The following LRRC40 variants were observed in gnomAD, a reference collection of about 807,000 sequenced individuals.
LRRC40 encodes leucine rich repeat containing 40, also known as leucine-rich repeat-containing protein 40.
LRRC40 carries 76 observed loss-of-function variants against 72.8 expected under a neutral mutation model. The ratio of observed to expected loss-of-function variants is 1.04; its 90% CI spans 0.87 to 1.26. The LOEUF (loss-of-function observed/expected upper bound fraction) is 1.26. Ranked by LOEUF, LRRC40 falls within the 50% of genes most tolerant of loss-of-function variation. The probability of loss-of-function intolerance (pLI) is 0.00; values close to 1 mark genes in which losing one functional copy is unlikely to be tolerated. For synonymous variants in LRRC40, 243 were observed against 254.2 expected (o/e 0.96, Z 0.42); for missense variants, 684 against 698.9 (o/e 0.98, Z 0.24).
chr1:70,154,579 T>A (rs1315296130), intron 11 of LRRC40, among the ~76,000 whole-genome samples: 1 of 152,074 alleles, frequency 6.6e-6, no homozygotes, highest in Non-Finnish European at 1.5e-5. Context: ...TGGACTATCT[T>A]AAATTTGTCG....
At chr1:70,190,108 T>C (rs1668460381) in intron 1 of LRRC40, among the ~76,000 whole-genome samples, 1 of 152,166 alleles carries the variant, frequency 6.6e-6, no homozygotes, top group African/African-American at 2.4e-5. Context: ...TGTAGTGTTG[T>C]AGCAAAACTA....
At chr1:70,181,693 G>GA (rs1039113201) in intron 4 of LRRC40, among the ~76,000 whole-genome samples, 9 of 150,908 alleles carry the variant, frequency 6.0e-5, no homozygotes, top group African/African-American at 7.3e-5. Context: ...AATTTTTGAG[G>GA]AAAAAAAAAT....
Position 70,159,354 on chromosome 1 carries a change from A to G in LRRC40, c.1196T>C (p.Ile399Thr). Residue 399 changes from isoleucine (I) to threonine (T), a missense_variant, in exon 10 of 15, where the codon ATT (isoleucine) becomes ACT (threonine). Physicochemically the swap from Ile to Thr is moderately conservative, Grantham distance 89. Coordinates refer to ENST00000370952, the MANE Select transcript of LRRC40 (RefSeq NM_017768.5). ...CCTATAGTCTAATATTTTTAATGTA[A>G]TGATGGCATGTATATTGACTCTGGA... is the stretch of plus-strand genomic sequence containing the variant. ...SESRVNIHAIITLKILDYSDK... is the reference protein window; with the variant it reads ...SESRVNIHAITTLKILDYSDK... 6.6e-7 allele frequency: 1 copy of G among 1,517,928 alleles called. No homozygotes were observed. The highest frequency in any genetic ancestry group is 9.1e-7 in the Non-Finnish European group (1 of 1,101,942). 94.0% of individuals were successfully genotyped at this position (1,517,928 alleles called of 1,614,324 possible).
intron 13 of LRRC40, among the ~76,000 whole-genome samples, chr1:70,150,867 G>A (rs1667465160): frequency 6.6e-6 from 1 of 152,126 alleles, no homozygotes; most frequent in African/African-American, 2.4e-5. Context: ...TTCCATTAGA[G>A]CAATTGTAAT....
chr1:70,199,511 A>G (rs1004269138), intron 1 of LRRC40, among the ~76,000 whole-genome samples: 1 of 152,172 alleles, frequency 6.6e-6, no homozygotes, highest in Non-Finnish European at 1.5e-5. Flanking sequence ...ACCCGTGAGA[A>G]AGCAAGACCA....
chr1:70,171,309 T>TA (rs534894256), intron 9 of LRRC40, among the ~76,000 whole-genome samples: 117 of 147,844 alleles, frequency 7.9e-4, no homozygotes, highest in Non-Finnish European at 1.4e-3. Context: ...TTCTTAGATT[T>TA]AAAAAAAAAT....
intron 5 of LRRC40, chr1:70,180,106 T>G (rs1668209076): frequency 6.6e-6 from 1 of 152,074 alleles, no homozygotes; most frequent in Non-Finnish European, 1.5e-5. Flanking sequence ...AAATAACAGT[T>G]TTTTTATTAA....
At position 70,203,320 on chromosome 1, in the gene LRRC40, C is replaced by T. The variant is rs1571504480; in HGVS notation, c.151+2070G>A. ...TTCTGGGCTATGGGAAGTCATTAAA[C>T]GTTTTGAGTGATGTAAGATCTGTTT... On this transcript the variant is annotated intron_variant, in intron 1 of 14. Transcript: ENST00000370952. Among the ~76,000 whole-genome samples the T allele has an allele frequency of 2.6e-5, 4 of 152,250 alleles. No homozygotes were observed. The East Asian group carries it at 7.7e-4, about 29-fold the overall frequency.
At chr1:70,204,005 G>A (rs1424415519) in intron 1 of LRRC40, among the ~76,000 whole-genome samples, 1 of 152,120 alleles carries the variant, frequency 6.6e-6, no homozygotes, top group Non-Finnish European at 1.5e-5. Context: ...ATCATTTTAT[G>A]TACCAGGTAA....
chr1:70,158,076 G>C (rs1343178650), intron 10 of LRRC40, among the ~76,000 whole-genome samples: 1 of 137,398 alleles, frequency 7.3e-6, no homozygotes, highest in African/African-American at 2.8e-5. Flanking sequence ...CTCCAACCTG[G>C]GCAACAGAGC....
At chr1:70,173,771 TAACTATAAAACATCATATGGCAAAC>T in intron 7 of LRRC40, 62 bp from the exon 8 acceptor site, 1 of 805,484 alleles carries the variant, frequency 1.2e-6, no homozygotes, top group Admixed American at 3.1e-5. Context: ...CAACCATAGT[TAACTATAAAACATCATATGGCAAAC>T]AACATATCAC....
At chr1:70,176,072 G>T in intron 6 of LRRC40, 90 bp from the exon 7 acceptor site, 1 of 707,364 alleles carries the variant, frequency 1.4e-6, no homozygotes, top group Non-Finnish European at 2.1e-6. Context: ...TTAATTTCAA[G>T]TGATTGAAAA....
chr1:70,188,579 A>G (rs1210772276), intron 2 of LRRC40, among the ~76,000 whole-genome samples: 1 of 150,794 alleles, frequency 6.6e-6, no homozygotes, highest in Non-Finnish European at 1.5e-5. Context: ...CTACACACAC[A>G]AAAAAAAATA....
At chr1:70,157,631 A>G (rs1412086315) in intron 10 of LRRC40, among the ~76,000 whole-genome samples, 1 of 152,156 alleles carries the variant, frequency 6.6e-6, no homozygotes, top group Admixed American at 6.5e-5. Context: ...GTATCTGTAT[A>G]TGAGGGAATG....
At chr1:70,181,332 T>A in intron 4 of LRRC40, 123 bp from the exon 5 acceptor site, 2 of 504,666 alleles carry the variant, frequency 4.0e-6, no homozygotes, top group Non-Finnish European at 6.7e-6. Context: ...TAAGATGTGA[T>A]AAGTTGTGTA....
At chr1:70,194,904 T>C (rs754905695) in intron 1 of LRRC40, among the ~76,000 whole-genome samples, 2 of 151,928 alleles carry the variant, frequency 1.3e-5, no homozygotes, top group Non-Finnish European at 2.9e-5. Context: ...TCAGAAAAAA[T>C]TCCATACAAT....
At chr1:70,193,916 G>A (rs1224612401) in intron 1 of LRRC40, among the ~76,000 whole-genome samples, 2 of 151,966 alleles carry the variant, frequency 1.3e-5, no homozygotes, top group Non-Finnish European at 2.9e-5. Context: ...CAGAAAACTA[G>A]GAATCAAAGG....
intron 1 of LRRC40, among the ~76,000 whole-genome samples, chr1:70,191,410 A>G (rs1361291836): frequency 2.0e-5 from 3 of 152,172 alleles, no homozygotes; most frequent in Non-Finnish European, 4.4e-5. Context: ...TTTATACACA[A>G]CATAATAAAA....
chr1:70,150,005 C>A (rs140425740), intron 13 of LRRC40, among the ~76,000 whole-genome samples: 1 of 152,200 alleles, frequency 6.6e-6, no homozygotes, highest in African/African-American at 2.4e-5. Flanking sequence ...ACTGCAACCT[C>A]TGCCTCCTGG....
Sources: gnomAD v4.1 joint callset for allele counts (sites outside exome capture counted in the v4.1 genomes callset) on GRCh38, gnomAD v4.1.1 for gene constraint, MANE v1.5 for transcripts, NCBI Gene and HGNC (gene_info 2026-07-23, HGNC 2026-07-21) for gene names.